G2E3: variants seen among roughly 807,000 people sequenced by gnomAD.
The protein encoded by G2E3 is G2/M phase-specific E3 ubiquitin-protein ligase.
G2E3 carries 35 observed loss-of-function variants against 92.8 expected under a neutral mutation model. That is an observed-to-expected ratio of 0.38 (90% CI 0.29 to 0.50). The LOEUF (loss-of-function observed/expected upper bound fraction) is 0.50. G2E3 is among the 20% of genes least tolerant of loss of function. G2E3 has a pLI of 0.94. For missense variants in G2E3, 554 were observed against 823.8 expected (o/e 0.67, Z 4.01); for synonymous variants, 242 against 272.4 (o/e 0.89, Z 1.10).
intron 2 of G2E3, among the ~76,000 whole-genome samples, chr14:30,585,272 T>A (rs1364402805): frequency 6.6e-6 from 1 of 152,218 alleles, no homozygotes; most frequent in Non-Finnish European, 1.5e-5. Flanking sequence ...AGATTTACCC[T>A]TATTCTTTCT....
At chr14:30,560,440 C>G in intron 1 of G2E3, 1 of 232,678 alleles carries the variant, frequency 4.3e-6, no homozygotes, top group South Asian at 1.3e-4. Flanking sequence ...TTCCAGCACC[C>G]CCATTCTTCC....
Position 30,586,703 on chromosome 14 carries a change from CT to C in G2E3, c.38-10del. The C allele has an allele frequency of 2.1e-6, 2 of 951,112 alleles. No individual in the cohort carries two copies. Among genetic ancestry groups the C allele is most frequent in the Non-Finnish European group, 3.2e-6 (2 of 631,712 alleles). The allele number at this position is 951,112 out of a possible 1,614,324, so 58.9% of individuals were successfully genotyped here. ...TTAAATATATTTTTATATCTATTTACTTTTTCACTGTTAGCTTGTGTTTTCT... is the reference window on the plus strand; with the variant it reads ...TTAAATATATTTTTATATCTATTTACTTTTCACTGTTAGCTTGTGTTTTCT... On this transcript the variant is annotated splice_polypyrimidine_tract_variant and intron_variant, in intron 2 of 14. Coordinates refer to ENST00000206595, the MANE Select transcript of G2E3 (RefSeq NM_017769.5).
At chr14:30,592,588 G>A (rs1441598344) in intron 5 of G2E3, 141 bp downstream of exon 5, 16 of 481,284 alleles carry the variant, frequency 3.3e-5, no homozygotes, top group East Asian at 1.1e-4. Context: ...TTACCCTCCC[G>A]CCCACCCTTA....
chr14:30,563,200 TAAA>T (rs1879222437), intron 1 of G2E3, among the ~76,000 whole-genome samples: 2 of 151,804 alleles, frequency 1.3e-5, no homozygotes, highest in Admixed American at 6.6e-5. Flanking sequence ...TTAGATGTAA[TAAA>T]AAGTATCTTA....
At chr14:30,571,932 A>G (rs1466167831) in intron 1 of G2E3, among the ~76,000 whole-genome samples, 4 of 139,678 alleles carry the variant, frequency 2.9e-5, no homozygotes, top group Non-Finnish European at 6.0e-5. Context: ...TAGAATCAGC[A>G]TGCCAGTATC....
At position 30,620,052 on chromosome 14, in the gene G2E3, T is replaced by C. The variant is rs1349443398; in HGVS notation, c.*3518T>C. 6.6e-6 allele frequency: 1 copy of C among 152,144 alleles called. No individual in the cohort carries two copies. The highest frequency in any genetic ancestry group is 1.5e-5 in the Non-Finnish European group (1 of 68,028). The allele number at this position is 152,144 out of a possible 1,614,324, so 9.4% of individuals were successfully genotyped here. On this transcript the variant is annotated 3_prime_UTR_variant, in exon 15 of 15. Coordinates refer to ENST00000206595, the MANE Select transcript of G2E3 (RefSeq NM_017769.5). ...TAAAATAGCTTACCAGAATAAATTA[T>C]TTAAGCCAAAAATCTGGACTCAGAT...
chr14:30,604,692 A>T (rs2138891305), intron 10 of G2E3, among the ~76,000 whole-genome samples: 1 of 152,332 alleles, frequency 6.6e-6, no homozygotes, highest in East Asian at 1.9e-4. Context: ...TATTAGCTCT[A>T]CTGTTAATTA....
chr14:30,597,303 A>G (rs1008022000), intron 6 of G2E3, 117 bp from the exon 7 acceptor site: 6 of 679,732 alleles, frequency 8.8e-6, no homozygotes, highest in African/African-American at 5.5e-5. Context: ...AGAACCCACT[A>G]GCATAGAAAA....
intron 1 of G2E3, chr14:30,560,902 A>G: frequency 1.5e-6 from 1 of 675,594 alleles, no homozygotes; most frequent in Non-Finnish European, 2.7e-6. Flanking sequence ...AAGGCATTAT[A>G]ATGTGTTGAT....
At chr14:30,608,094 A>G in intron 12 of G2E3, 25 bp downstream of exon 12, 1 of 1,333,674 alleles carries the variant, frequency 7.5e-7, no homozygotes, top group Non-Finnish European at 1.0e-6. Context: ...TGTTTATTAA[A>G]ATGCACACTA....
At chr14:30,575,942 C>T (rs2138801006) in intron 1 of G2E3, among the ~76,000 whole-genome samples, 1 of 152,246 alleles carries the variant, frequency 6.6e-6, no homozygotes, top group Admixed American at 6.5e-5. Flanking sequence ...GGCTATTGTG[C>T]CCAAAACAAT....
chr14:30,614,945 T>G (rs925431208), intron 13 of G2E3, among the ~76,000 whole-genome samples: 5 of 152,204 alleles, frequency 3.3e-5, no homozygotes, highest in African/African-American at 1.2e-4. Context: ...TTTTAAATTT[T>G]TATGTAATGA....
intron 1 of G2E3, chr14:30,573,474 G>A (rs965570512): frequency 1.3e-5 from 2 of 151,574 alleles, no homozygotes; most frequent in Non-Finnish European, 2.9e-5. Context: ...GAGAGGGAAG[G>A]ATTGATTAAT....
Position 30,616,447 on chromosome 14 carries a change from T to C in G2E3, c.2034T>C (p.Tyr678=), listed in dbSNP as rs770227856. The C allele has an allele frequency of 1.1e-5, 17 of 1,609,670 alleles. No individual in the cohort carries two copies. The highest frequency in any genetic ancestry group is 1.4e-5 in the Non-Finnish European group (17 of 1,176,384). ...TAGCAATTCCCATCACCAATACATA[T>C]AAAGAGTTTCAAGAAAATATGGACT... ...NCLAIPITNT[Y]KEFQENMDFT... The change falls in exon 15 of 15, where the codon TAT becomes TAC. Residue 678 remains tyrosine, a synonymous_variant. Coordinates refer to ENST00000206595, the MANE Select transcript of G2E3 (RefSeq NM_017769.5).
At chr14:30,602,816 T>G (rs1180776051) in intron 10 of G2E3, 5 of 152,136 alleles carry the variant, frequency 3.3e-5, no homozygotes, top group Non-Finnish European at 7.3e-5. Flanking sequence ...CTTGCTATGT[T>G]GCCCAGACTG....
At chr14:30,601,363 T>C in intron 8 of G2E3, among the ~76,000 whole-genome samples, 1 of 152,206 alleles carries the variant, frequency 6.6e-6, no homozygotes, top group East Asian at 1.9e-4. Context: ...TTGAGCAAGC[T>C]TATTTTAGGA....
At chr14:30,575,057 T>C (rs1402969689) in intron 1 of G2E3, among the ~76,000 whole-genome samples, 1 of 152,164 alleles carries the variant, frequency 6.6e-6, no homozygotes, top group Admixed American at 6.5e-5. Flanking sequence ...TATAAGTGTT[T>C]CCTTTTCTCC....
intron 12 of G2E3, 120 bp from the exon 13 acceptor site, chr14:30,612,087 A>G (rs960478806): frequency 7.8e-6 from 5 of 637,314 alleles, no homozygotes; most frequent in South Asian, 4.8e-5. Context: ...TTCTTGGTTT[A>G]CTTTTACTGC....
Position 30,598,588 on chromosome 14 carries a change from TGC to T in G2E3, c.742_743del (p.Ala248ThrfsTer2). ...GTTGCAAAGAAGGGCGAGACTATAATGCACCTGATAGGTATTTCTGAAAGTTC... is the reference window on the plus strand; with the variant it reads ...GTTGCAAAGAAGGGCGAGACTATAATACCTGATAGGTATTTCTGAAAGTTC... ...CRCKEGRDYN[A>X]PDSKWEIKRC... On this transcript the variant is annotated frameshift_variant, in exon 8 of 15. Coordinates refer to ENST00000206595, the MANE Select transcript of G2E3 (RefSeq NM_017769.5). LOFTEE classifies it high-confidence loss of function. The T allele has an allele frequency of 6.3e-7, 1 of 1,595,168 alleles. No homozygotes were observed. Among genetic ancestry groups the T allele is most frequent in the Non-Finnish European group, 8.6e-7 (1 of 1,162,650 alleles).
Sources: allele counts gnomAD v4.1 joint callset (sites outside exome capture counted in the v4.1 genomes callset), GRCh38; gene constraint gnomAD v4.1.1; transcripts MANE v1.5; gene names NCBI Gene and HGNC (gene_info 2026-07-23, HGNC 2026-07-21).